TENT2: variants seen among roughly 807,000 people sequenced by gnomAD.
The protein encoded by TENT2 is poly(A) RNA polymerase GLD2.
Under a neutral mutation model 72.2 loss-of-function variants are expected in TENT2, and 44 were observed. The observed-to-expected ratio is 0.61, with a 90% CI of 0.48 to 0.78. The LOEUF (loss-of-function observed/expected upper bound fraction) is 0.78, where lower values mean the gene tolerates loss of function less well. Among genes scored for constraint, TENT2 ranks in the 30% least tolerant of loss-of-function variants. TENT2 has a pLI of 0.00. For synonymous variants in TENT2, 212 were observed against 192.5 expected, an observed-to-expected ratio of 1.10 and a Z score of -0.84; for missense variants, 541 against 569.6, an observed-to-expected ratio of 0.95 and a Z score of 0.51.
chr5:79,632,445 T>A (rs921282232), intron 4 of TENT2, among the ~76,000 whole-genome samples: 1 of 152,200 alleles, frequency 6.6e-6, no homozygotes, highest in Non-Finnish European at 1.5e-5. Flanking sequence ...TATGGTTTTC[T>A]GCACAAAAAT....
intron 10 of TENT2, among the ~76,000 whole-genome samples, chr5:79,654,065 C>T (rs2150244952): frequency 1.3e-5 from 2 of 152,264 alleles, no homozygotes; most frequent in South Asian, 4.1e-4. Context: ...TAATTGACTA[C>T]AGATACTTGA....
At chr5:79,644,719 A>G (rs1787395911) in intron 7 of TENT2, 1 of 154,900 alleles carries the variant, frequency 6.5e-6, no homozygotes, top group Admixed American at 6.5e-5. Flanking sequence ...GAATGCATCC[A>G]AGCCCCGTGT....
chr5:79,674,003 G>A (rs1477007936), intron 12 of TENT2, among the ~76,000 whole-genome samples: 1 of 152,186 alleles, frequency 6.6e-6, no homozygotes, highest in Non-Finnish European at 1.5e-5. Flanking sequence ...ATTGTTAAAT[G>A]ACACAATAAA....
At chr5:79,634,019 A>AT (rs1777967719) in intron 4 of TENT2, among the ~76,000 whole-genome samples, 1 of 142,662 alleles carries the variant, frequency 7.0e-6, no homozygotes, top group African/African-American at 2.7e-5. Flanking sequence ...AAAAAAAAAA[A>AT]TTAGCTGGAC....
intron 11 of TENT2, among the ~76,000 whole-genome samples, chr5:79,658,587 A>T (rs1220580759): frequency 1.3e-5 from 2 of 152,126 alleles, no homozygotes; most frequent in Non-Finnish European, 2.9e-5. Flanking sequence ...ACCCAACCTC[A>T]TCTTGCTTTA....
chr5:79,636,887 G>T (rs1335731931), intron 4 of TENT2, among the ~76,000 whole-genome samples: 1 of 152,066 alleles, frequency 6.6e-6, no homozygotes, highest in Admixed American at 6.6e-5. Context: ...TTAATTGTTT[G>T]TTGATAGTAT....
intron 13 of TENT2, 124 bp from the exon 14 acceptor site, chr5:79,681,858 C>A: frequency 3.1e-6 from 2 of 654,052 alleles, no homozygotes; most frequent in Non-Finnish European, 5.3e-6. Context: ...TTAGGCTGAC[C>A]CATCTGAAAT....
intron 13 of TENT2, among the ~76,000 whole-genome samples, chr5:79,680,977 G>A (rs1821210908): frequency 6.6e-6 from 1 of 151,722 alleles, no homozygotes; most frequent in South Asian, 2.1e-4. Flanking sequence ...CACTTTTGTG[G>A]GTGAAAGGTG....
intron 12 of TENT2, among the ~76,000 whole-genome samples, chr5:79,677,112 T>C (rs1415366937): frequency 3.3e-5 from 5 of 152,188 alleles, no homozygotes; most frequent in Non-Finnish European, 5.9e-5. Context: ...AGTATACAAT[T>C]ATATGTCACG....
At chr5:79,663,936 G>A (rs566412880) in intron 11 of TENT2, among the ~76,000 whole-genome samples, 4 of 152,020 alleles carry the variant, frequency 2.6e-5, no homozygotes, top group Non-Finnish European at 5.9e-5. Context: ...CTGTATGTGG[G>A]TTATGCATCC....
At chr5:79,652,341 A>G (rs1794805366) in intron 10 of TENT2, among the ~76,000 whole-genome samples, 1 of 152,060 alleles carries the variant, frequency 6.6e-6, no homozygotes, top group South Asian at 2.1e-4. Context: ...TTCATGATAT[A>G]TTCTCATACA....
intron 10 of TENT2, among the ~76,000 whole-genome samples, chr5:79,650,482 A>G (rs965579148): frequency 1.3e-5 from 2 of 152,130 alleles, no homozygotes; most frequent in Admixed American, 6.6e-5. Flanking sequence ...GATATGCTCA[A>G]TAATAATTAT....
intron 4 of TENT2, among the ~76,000 whole-genome samples, chr5:79,636,365 A>G (rs1284023120): frequency 1.3e-5 from 2 of 152,128 alleles, no homozygotes; most frequent in African/African-American, 2.4e-5. Flanking sequence ...CTCCCTCATT[A>G]GTTTGAATCA....
chr5:79,631,590 T>G (rs1775557045), intron 4 of TENT2, among the ~76,000 whole-genome samples: 1 of 152,134 alleles, frequency 6.6e-6, no homozygotes, highest in African/African-American at 2.4e-5. Context: ...GAGGAAAGAA[T>G]AGGAGAACAA....
chr5:79,655,136 GAT>G (rs943525729), intron 10 of TENT2, among the ~76,000 whole-genome samples: 3 of 152,084 alleles, frequency 2.0e-5, no homozygotes, highest in African/African-American at 7.2e-5. Context: ...CTTGAAGTAA[GAT>G]AAACATTTTA....
intron 4 of TENT2, among the ~76,000 whole-genome samples, chr5:79,633,291 A>AT (rs1777063802): frequency 6.6e-6 from 1 of 152,186 alleles, no homozygotes; most frequent in Admixed American, 6.5e-5. Flanking sequence ...ATATGCTATA[A>AT]TGACCTGTTT....
At chr5:79,629,241 T>TA (rs1046445369) in intron 4 of TENT2, among the ~76,000 whole-genome samples, 1 of 152,240 alleles carries the variant, frequency 6.6e-6, no homozygotes, top group Non-Finnish European at 1.5e-5. Flanking sequence ...GTTATATTGA[T>TA]ACCATTCCTC....
At chr5:79,681,339 T>C (rs1821736736) in intron 13 of TENT2, among the ~76,000 whole-genome samples, 1 of 151,674 alleles carries the variant, frequency 6.6e-6, no homozygotes, top group South Asian at 2.1e-4. Flanking sequence ...TTTGTATTTT[T>C]AGTAGAGGTG....
Position 79,681,365 on chromosome 5 carries a change from G to A in TENT2, c.1301-617G>A, listed in dbSNP as rs190013519. 2.4e-3 allele frequency among the ~76,000 whole-genome samples: 359 copies of A among 151,398 alleles called. 1 individual carries two copies. The highest frequency in any genetic ancestry group is 8.2e-3 in the African/African-American group (340 of 41,304). On this transcript the variant is annotated intron_variant, in intron 13 of 14. Coordinates refer to ENST00000453514, the MANE Select transcript of TENT2 (RefSeq NM_001114394.3). ...AGTAGAGGTGGGGTTTCACCATGTT[G>A]GCCAGGATGGTCTCGATCTCTTGAC...
Sources: allele counts gnomAD v4.1 joint callset (sites outside exome capture counted in the v4.1 genomes callset), GRCh38; gene constraint gnomAD v4.1.1; transcripts MANE v1.5; gene names NCBI Gene and HGNC (gene_info 2026-07-23, HGNC 2026-07-21).